BRDT: variants seen among roughly 807,000 people sequenced by gnomAD.
BRDT encodes the protein bromodomain testis associated.
BRDT carries 77 observed loss-of-function variants against 113.9 expected under a neutral mutation model. The observed-to-expected ratio is 0.68, with a 90% CI of 0.56 to 0.82. BRDT has a LOEUF of 0.82. BRDT is among the 40% of genes least tolerant of loss of function. The pLI, the probability that BRDT is intolerant of heterozygous loss-of-function variation, is 0.00. For missense variants in BRDT, 1,027 were observed against 1,105.4 expected (o/e 0.93, Z 1.01); for synonymous variants, 358 against 366.5 (o/e 0.98, Z 0.26).
chr1:91,967,128 G>A (rs1372596513), intron 3 of BRDT, among the ~76,000 whole-genome samples: 2 of 152,156 alleles, frequency 1.3e-5, no homozygotes, highest in Non-Finnish European at 2.9e-5. Context: ...CAGTGCTACA[G>A]TGTTATTTTA....
intron 12 of BRDT, among the ~76,000 whole-genome samples, chr1:91,982,922 G>T (rs574546862): frequency 6.6e-6 from 1 of 152,224 alleles, no homozygotes; most frequent in Non-Finnish European, 1.5e-5. Context: ...ATTTTCAATT[G>T]TAATTAGCAT....
intron 12 of BRDT, among the ~76,000 whole-genome samples, chr1:91,985,698 GCGCCGTCTGGGCTTACTGCAAGCTC>G (rs1685156101): frequency 6.9e-6 from 1 of 143,920 alleles, no homozygotes; most frequent in African/African-American, 2.6e-5. Context: ...GAGTGCAGTG[GCGCCGTCTGGGCTTACTGCAAGCTC>G]CGCCTCCCGG....
At chr1:91,956,514 A>T (rs960136506) in intron 1 of BRDT, among the ~76,000 whole-genome samples, 2 of 152,190 alleles carry the variant, frequency 1.3e-5, no homozygotes, top group Admixed American at 1.3e-4. Flanking sequence ...GCTATTAAGC[A>T]CTTGAAATGT....
At position 91,981,765 on chromosome 1, in the gene BRDT, C is replaced by CGACA; in HGVS notation, c.2002+10_2002+11insGACA. 6.2e-7 allele frequency: 1 copy of CGACA among 1,602,758 alleles called. No homozygotes were observed. The highest frequency in any genetic ancestry group is 8.5e-7 in the Non-Finnish European group (1 of 1,174,400). The stretch of plus-strand genomic sequence containing the variant: ...AGTGATTCTGAATCAGGTTAGCTGT[C>CGACA]CCCTTAAATGTACCTCTGTTGATGG... On this transcript the variant is annotated intron_variant, in intron 12 of 18. Coordinates refer to ENST00000399546, the MANE Select transcript of BRDT (RefSeq NM_207189.4).
chr1:91,987,024 G>A (rs115596666), intron 12 of BRDT, among the ~76,000 whole-genome samples: 169 of 150,868 alleles, frequency 1.1e-3, no homozygotes, highest in African/African-American at 4.0e-3. Flanking sequence ...TGCAAACTCT[G>A]CCTCCTAGGT....
intron 15 of BRDT, among the ~76,000 whole-genome samples, chr1:91,997,980 AT>A (rs1466881391): frequency 6.6e-6 from 1 of 152,244 alleles, no homozygotes; most frequent in African/African-American, 2.4e-5. Flanking sequence ...GTTTGACAAA[AT>A]GTTAGAGTAC....
intron 1 of BRDT, among the ~76,000 whole-genome samples, chr1:91,951,194 A>C (rs1026215691): frequency 1.3e-5 from 2 of 152,148 alleles, no homozygotes; most frequent in African/African-American, 4.8e-5. Flanking sequence ...CGTGTTGGGA[A>C]TTGGTGAAGT....
At chr1:92,006,570 G>T (rs1038370353) in intron 18 of BRDT, among the ~76,000 whole-genome samples, 8 of 151,904 alleles carry the variant, frequency 5.3e-5, no homozygotes, top group African/African-American at 1.9e-4. Flanking sequence ...GGGTTCAAGC[G>T]ATTCTTCTGC....
intron 4 of BRDT, among the ~76,000 whole-genome samples, chr1:91,974,638 G>C (rs1400782083): frequency 6.6e-6 from 1 of 152,140 alleles, no homozygotes; most frequent in Non-Finnish European, 1.5e-5. Context: ...AACAACAGGT[G>C]CTGGAGAGGA....
At chr1:92,006,020 C>T (rs1687261235) in intron 18 of BRDT, among the ~76,000 whole-genome samples, 1 of 152,152 alleles carries the variant, frequency 6.6e-6, no homozygotes, top group Admixed American at 6.6e-5. Flanking sequence ...TGTTTAGTTT[C>T]CAGATATTTG....
chr1:91,979,611 G>A lies in BRDT; in HGVS notation c.1141G>A (p.Val381Ile). 2 of 1,613,178 alleles carry A rather than the reference G, an allele frequency of 1.2e-6. No homozygotes were observed. Among genetic ancestry groups the A allele is most frequent in the Non-Finnish European group, 1.7e-6 (2 of 1,179,842 alleles). ...THFSKIPIEP[V>I]ESMPLCYIKT... ...TTTTTCAAAGATCCCGATTGAACCT[G>A]TTGAGAGTATGCCTTTATGTTACAT... The change falls in exon 8 of 19, where the codon GTT becomes ATT. Residue 381 changes from valine (V) to isoleucine (I), a missense_variant. Val to Ile is a conservative substitution (Grantham distance 29). Coordinates refer to ENST00000399546, the MANE Select transcript of BRDT (RefSeq NM_207189.4).
intron 4 of BRDT, among the ~76,000 whole-genome samples, chr1:91,974,286 G>T (rs1307025014): frequency 1.6e-4 from 24 of 152,156 alleles, no homozygotes; most frequent in Admixed American, 1.5e-3. Flanking sequence ...TAGACAAATG[G>T]AATCTAATTA....
intron 2 of BRDT, among the ~76,000 whole-genome samples, chr1:91,964,398 G>C (rs1162965445): frequency 6.6e-6 from 1 of 152,144 alleles, no homozygotes. Context: ...GTTTTGCCAT[G>C]TTGGCCAGGC....
chr1:91,979,592 A>G lies in BRDT; in HGVS notation c.1122A>G (p.Ser374=). ...AGGATGTTTTCGAAACGCATTTTTC[A>G]AAGATCCCGATTGAACCTGTTGAGA... is the stretch of plus-strand genomic sequence containing the variant. ...MLQDVFETHF[S]KIPIEPVESM... The change falls in exon 8 of 19, where the codon TCA becomes TCG. Residue 374 remains serine, a synonymous_variant. Coordinates refer to ENST00000399546, the MANE Select transcript of BRDT (RefSeq NM_207189.4). 6.2e-7 allele frequency: 1 copy of G among 1,606,446 alleles called. No homozygotes were observed. Among genetic ancestry groups the G allele is most frequent in the Non-Finnish European group, 8.5e-7 (1 of 1,178,430 alleles).
Position 91,978,312 on chromosome 1 carries a change from T to C in BRDT, c.1098+16T>C, listed in dbSNP as rs770944152. 1 of 1,612,632 alleles carries C rather than the reference T, an allele frequency of 6.2e-7. No homozygotes were observed. Among genetic ancestry groups the C allele is most frequent in the Non-Finnish European group, 8.5e-7 (1 of 1,179,520 alleles). On this transcript the variant is annotated intron_variant, in intron 7 of 18. Transcript: ENST00000399546. ...AATGCTTCAGGTGAGCTGTTACTTG[T>C]GCTCTGAAGGTGTTTTTCCTCTGAA...
rs1490670522 is a variant in BRDT, at chr1:91,949,565, G to A, written c.-155G>A. ...GGTGCTGCCTTAGGCCGGCCCCGAG[G>A]TGCGGCCTTGGGTGGGAACAACCGT... On this transcript the variant is annotated 5_prime_UTR_variant, in exon 1 of 19. In the 5' UTR this introduces an upstream ATG that the reference lacks. Transcript: ENST00000399546. 1 of 152,232 alleles carries A rather than the reference G, an allele frequency of 6.6e-6. No individual in the cohort carries two copies. Among genetic ancestry groups the A allele is most frequent in the Non-Finnish European group, 1.5e-5 (1 of 68,122 alleles). 9.4% of individuals were successfully genotyped at this position (152,232 alleles called of 1,614,324 possible).
intron 1 of BRDT, among the ~76,000 whole-genome samples, chr1:91,960,451 A>G (rs1682320600): frequency 6.6e-6 from 1 of 152,260 alleles, no homozygotes; most frequent in Non-Finnish European, 1.5e-5. Context: ...CAAAAAAGAT[A>G]AATATGATTT....
chr1:91,952,441 C>T (rs11165885), intron 1 of BRDT, among the ~76,000 whole-genome samples: 107,010 of 151,776 alleles, frequency 0.71, 38,921 homozygotes, highest in Middle Eastern at 0.81. Context: ...AGGGGCTCTT[C>T]GGCTGAATGC....
At chr1:91,988,010 C>T (rs777503120) in intron 12 of BRDT, among the ~76,000 whole-genome samples, 15 of 152,092 alleles carry the variant, frequency 9.9e-5, no homozygotes, top group Non-Finnish European at 2.1e-4. Context: ...CCACCACGCC[C>T]GGCTAATTTT....
Sources: gnomAD v4.1 joint callset for allele counts (sites outside exome capture counted in the v4.1 genomes callset) on GRCh38, gnomAD v4.1.1 for gene constraint, MANE v1.5 for transcripts, NCBI Gene and HGNC (gene_info 2026-07-23, HGNC 2026-07-21) for gene names.